The following MYT1L variants were observed in gnomAD, a reference collection of about 807,000 sequenced individuals.
The protein encoded by MYT1L is myelin transcription factor 1-like protein.
MYT1L carries 12 observed loss-of-function variants against 126.7 expected under a neutral mutation model. The observed-to-expected ratio is 0.09, with a 90% CI of 0.06 to 0.15. MYT1L has a LOEUF of 0.15. Among genes scored for constraint, MYT1L ranks in the 10% least tolerant of loss-of-function variants. The pLI is 1.00. For missense variants in MYT1L, 979 were observed against 1,585.2 expected (o/e 0.62, Z 6.49); for synonymous variants, 541 against 604.2 (o/e 0.90, Z 1.53).
chr2:1,995,404 T>C (rs1400065712), intron 5 of MYT1L, among the ~76,000 whole-genome samples: 1 of 152,090 alleles, frequency 6.6e-6, no homozygotes, highest in Non-Finnish European at 1.5e-5. Flanking sequence ...GCACCGCTAA[T>C]ATCACACTGC....
chr2:2,317,776 A>G lies in MYT1L; in HGVS notation c.-521+13191T>C, dbSNP rs944499137. 1.1e-4 allele frequency among the ~76,000 whole-genome samples: 16 copies of G among 152,170 alleles called. No homozygotes were observed. In the East Asian group the frequency reaches 3.1e-3, roughly 29 times the overall value. ...CCTAGCTGATATAACCAAACCAGGCAGAGTAAAGTCTCTCTGACTCTTGGA... is the reference window on the plus strand; with the variant it reads ...CCTAGCTGATATAACCAAACCAGGCGGAGTAAAGTCTCTCTGACTCTTGGA... On this transcript the variant is annotated intron_variant, in intron 1 of 24. Transcript: ENST00000647738.
At position 2,186,095 on chromosome 2, in the gene MYT1L, A is replaced by G. The variant is rs113502100; in HGVS notation, c.-420-13107T>C. Among the ~76,000 whole-genome samples, 255 of 88,384 alleles carry G rather than the reference A, an allele frequency of 2.9e-3. 6 individuals carry two copies. The highest frequency in any genetic ancestry group is 5.0e-3 in the Admixed American group (42 of 8,360). The allele number at this position is 88,384 out of a possible 152,430, so 58.0% of individuals were successfully genotyped here. On this transcript the variant is annotated intron_variant, in intron 2 of 24. Coordinates refer to ENST00000647738, the MANE Select transcript of MYT1L (RefSeq NM_001303052.2). ...TTCCTTCCGTGAGGGGGACGCAGCCAGGCCTTCCGGGCCTTCCGGAGTCCC... is the reference window on the plus strand; with the variant it reads ...TTCCTTCCGTGAGGGGGACGCAGCCGGGCCTTCCGGGCCTTCCGGAGTCCC...
chr2:2,021,476 T>C (rs1479739013), intron 4 of MYT1L, among the ~76,000 whole-genome samples: 2 of 152,084 alleles, frequency 1.3e-5, no homozygotes, highest in African/African-American at 4.8e-5. Flanking sequence ...AAATAGGTGG[T>C]GAGGAGTGAG....
intron 2 of MYT1L, among the ~76,000 whole-genome samples, chr2:2,233,450 C>T (rs982401006): frequency 2.6e-5 from 4 of 152,178 alleles, no homozygotes; most frequent in Non-Finnish European, 4.4e-5. Flanking sequence ...CTGCGGACCT[C>T]GCCTGTGTCT....
intron 3 of MYT1L, among the ~76,000 whole-genome samples, chr2:2,062,353 C>T (rs1381752346): frequency 6.6e-6 from 1 of 152,208 alleles, no homozygotes; most frequent in African/African-American, 2.4e-5. Context: ...TAGGGAAGAA[C>T]AGCTTAGGTA....
At chr2:1,964,137 G>T (rs2149400198) in intron 8 of MYT1L, among the ~76,000 whole-genome samples, 1 of 152,158 alleles carries the variant, frequency 6.6e-6, no homozygotes, top group East Asian at 1.9e-4. Flanking sequence ...ATATTATTGT[G>T]TCTCAGGGAA....
At chr2:2,233,008 G>A (rs1424946672) in intron 2 of MYT1L, among the ~76,000 whole-genome samples, 1 of 152,190 alleles carries the variant, frequency 6.6e-6, no homozygotes, top group African/African-American at 2.4e-5. Flanking sequence ...CCGATTGGAT[G>A]TAAAAACGTT....
chr2:2,053,635 G>C (rs1269560556), intron 4 of MYT1L, among the ~76,000 whole-genome samples: 1 of 152,108 alleles, frequency 6.6e-6, no homozygotes, highest in Admixed American at 6.5e-5. Context: ...AATGGACACA[G>C]GGATCTGATT....
At chr2:1,875,575 C>T (rs545621425) in intron 18 of MYT1L, among the ~76,000 whole-genome samples, 152 of 152,324 alleles carry the variant, frequency 1.0e-3, no homozygotes, top group Admixed American at 4.7e-3. Flanking sequence ...GAGGAGAAGG[C>T]GAGTGCCTCA....
At chr2:1,995,440 A>G (rs929256111) in intron 5 of MYT1L, among the ~76,000 whole-genome samples, 1 of 152,268 alleles carries the variant, frequency 6.6e-6, no homozygotes, top group African/African-American at 2.4e-5. Context: ...CAGGAAAGAA[A>G]AAAAGCATCA....
At chr2:2,018,781 A>G (rs1166412387) in intron 4 of MYT1L, among the ~76,000 whole-genome samples, 3 of 152,120 alleles carry the variant, frequency 2.0e-5, no homozygotes, top group East Asian at 1.9e-4. Flanking sequence ...GGTGAGCCCA[A>G]TGTTTGTATA....
rs2086912366 is a variant in MYT1L, at chr2:2,157,432, A to C, written c.-304+15440T>G. On this transcript the variant is annotated intron_variant, in intron 3 of 24. Transcript: ENST00000647738. ...TAATAATTTCTTTATTATTCTGGAG[A>C]TTTTTTGTCACTTTTAGGGGAAAAG... Among the ~76,000 whole-genome samples, 3 of 152,152 alleles carry C rather than the reference A, an allele frequency of 2.0e-5. No homozygotes were observed. In the South Asian group the frequency reaches 6.2e-4, roughly 32 times the overall value.
chr2:1,899,350 C>G (rs1174444957), intron 14 of MYT1L, among the ~76,000 whole-genome samples: 1 of 152,218 alleles, frequency 6.6e-6, no homozygotes, highest in Non-Finnish European at 1.5e-5. Context: ...TTTTATAGAT[C>G]AGAAAATATT....
intron 9 of MYT1L, among the ~76,000 whole-genome samples, chr2:1,940,793 C>G (rs577653787): frequency 1.3e-5 from 2 of 152,376 alleles, no homozygotes; most frequent in South Asian, 4.1e-4. Context: ...TACCTCTTCA[C>G]AAGTGTTTGC....
chr2:2,210,577 T>C (rs1231679358), intron 2 of MYT1L, among the ~76,000 whole-genome samples: 5 of 152,288 alleles, frequency 3.3e-5, no homozygotes, highest in African/African-American at 9.6e-5. Flanking sequence ...TTCTGTTCCA[T>C]GCATCCATGT....
chr2:2,279,576 G>GGAAGGAAGGAAA, intron 2 of MYT1L, among the ~76,000 whole-genome samples: 1 of 139,008 alleles, frequency 7.2e-6, no homozygotes, highest in African/African-American at 2.8e-5. Context: ...AATGAAGGAA[G>GGAAGGAAGGAAA]GAAGGAAGGA....
intron 3 of MYT1L, among the ~76,000 whole-genome samples, chr2:2,124,185 A>G (rs2147932869): frequency 6.6e-6 from 1 of 152,332 alleles, no homozygotes; most frequent in African/African-American, 2.4e-5. Flanking sequence ...TGGCCTGAAG[A>G]GGGCCCTGAA....
At chr2:2,235,040 C>T (rs1236340488) in intron 2 of MYT1L, among the ~76,000 whole-genome samples, 3 of 152,192 alleles carry the variant, frequency 2.0e-5, no homozygotes, top group Non-Finnish European at 2.9e-5. Flanking sequence ...CTCTTGTCTG[C>T]CTGCCAATGC....
At chr2:2,275,964 C>A (rs964155084) in intron 2 of MYT1L, among the ~76,000 whole-genome samples, 1 of 152,120 alleles carries the variant, frequency 6.6e-6, no homozygotes, top group Non-Finnish European at 1.5e-5. Context: ...CTTGCCCCAG[C>A]GGGTTTCTCC....
Sources: allele counts gnomAD v4.1 joint callset (sites outside exome capture counted in the v4.1 genomes callset), GRCh38; gene constraint gnomAD v4.1.1; transcripts MANE v1.5; gene names NCBI Gene and HGNC (gene_info 2026-07-23, HGNC 2026-07-21).